ATP6V1E2: variants seen among roughly 807,000 people sequenced by gnomAD.
ATP6V1E2 encodes the protein ATPase H+ transporting V1 subunit E2.
For synonymous variants in ATP6V1E2, 121 were observed against 104.2 expected (o/e 1.16, Z -0.98); for missense variants, 308 against 273.3 (o/e 1.13, Z -0.90).
At chr2:46,521,906 G>A (rs941894179) in intron 4 of ATP6V1E2, among the ~76,000 whole-genome samples, 4 of 151,002 alleles carry the variant, frequency 2.6e-5, no homozygotes, top group African/African-American at 9.7e-5. Flanking sequence ...TAGCCAGGAT[G>A]GTCTCGATCT....
At chr2:46,521,368 C>G (rs551630906) in intron 4 of ATP6V1E2, among the ~76,000 whole-genome samples, 23 of 152,182 alleles carry the variant, frequency 1.5e-4, no homozygotes, top group Non-Finnish European at 1.9e-4. Flanking sequence ...ATATGTCTGT[C>G]AACCTGGAGC....
At chr2:46,534,611 T>C (rs1256969573) in intron 4 of ATP6V1E2, 1 of 152,242 alleles carries the variant, frequency 6.6e-6, no homozygotes, top group Admixed American at 6.5e-5. Flanking sequence ...TTGTTAAATG[T>C]CTGTATTTTG....
chr2:46,524,940 G>A (rs542733120), intron 4 of ATP6V1E2, among the ~76,000 whole-genome samples: 2 of 152,292 alleles, frequency 1.3e-5, no homozygotes, highest in African/African-American at 4.8e-5. Flanking sequence ...TCTTAGCAGG[G>A]CTGTACCTTC....
At chr2:46,519,371 A>G (rs889653440) in intron 4 of ATP6V1E2, 1 of 152,200 alleles carries the variant, frequency 6.6e-6, no homozygotes, top group African/African-American at 2.4e-5. Context: ...CGTGAAGCCA[A>G]ATCTGAAGGT....
chr2:46,520,153 T>G (rs1337401960), intron 4 of ATP6V1E2, among the ~76,000 whole-genome samples: 1 of 152,194 alleles, frequency 6.6e-6, no homozygotes, highest in Non-Finnish European at 1.5e-5. Flanking sequence ...CACTTCTAAA[T>G]AGCTCATTAG....
Position 46,512,010 on chromosome 2 carries a change from C to G in ATP6V1E2, c.*21G>C. 6.5e-7 allele frequency: 1 copy of G among 1,545,036 alleles called. No individual in the cohort carries two copies. Among genetic ancestry groups the G allele is most frequent in the Non-Finnish European group, 8.7e-7 (1 of 1,149,988 alleles). ...ACTTTTATGGTTTAGTGGTTCAACA[C>G]TAGCTTCACTTCCCAGAGGCTTATA... On this transcript the variant is annotated 3_prime_UTR_variant, in exon 5 of 5. Coordinates refer to ENST00000522587, the MANE Select transcript of ATP6V1E2 (RefSeq NM_001318063.2).
intron 4 of ATP6V1E2, among the ~76,000 whole-genome samples, chr2:46,522,790 G>A (rs1017076075): frequency 2.6e-5 from 4 of 152,118 alleles, no homozygotes; most frequent in South Asian, 2.1e-4. Context: ...GCTATTTCTG[G>A]TTCTAGATCC....
At chr2:46,529,799 T>G (rs1667099301) in intron 4 of ATP6V1E2, among the ~76,000 whole-genome samples, 1 of 152,068 alleles carries the variant, frequency 6.6e-6, no homozygotes, top group Admixed American at 6.5e-5. Flanking sequence ...AACAATTTAT[T>G]GAACCCATGG....
At chr2:46,537,131 C>T (rs1040964073) in intron 2 of ATP6V1E2, among the ~76,000 whole-genome samples, 2 of 152,138 alleles carry the variant, frequency 1.3e-5, no homozygotes, top group Non-Finnish European at 2.9e-5. Flanking sequence ...GGCCTAGGAA[C>T]GTTGACCCTT....
At chr2:46,527,490 G>C (rs1207154870) in intron 4 of ATP6V1E2, among the ~76,000 whole-genome samples, 1 of 152,112 alleles carries the variant, frequency 6.6e-6, no homozygotes, top group Non-Finnish European at 1.5e-5. Context: ...CAAAGTGCTG[G>C]GATTACAGGC....
At chr2:46,519,176 C>G (rs201183345) in intron 4 of ATP6V1E2, 1 of 152,212 alleles carries the variant, frequency 6.6e-6, no homozygotes, top group East Asian at 1.9e-4. Context: ...GGGGCCATGA[C>G]GGGGGTTATC....
chr2:46,513,641 T>C (rs1316017671), intron 4 of ATP6V1E2, among the ~76,000 whole-genome samples: 3 of 151,836 alleles, frequency 2.0e-5, no homozygotes, highest in African/African-American at 4.8e-5. Flanking sequence ...CTGGCCAACA[T>C]GGTGAAACCC....
At chr2:46,521,688 CT>C (rs1210168288) in intron 4 of ATP6V1E2, among the ~76,000 whole-genome samples, 4 of 152,014 alleles carry the variant, frequency 2.6e-5, no homozygotes, top group Admixed American at 1.3e-4. Flanking sequence ...GTCTTTCTTT[CT>C]TCTCTTTTTC....
At chr2:46,524,494 A>G (rs559081449) in intron 4 of ATP6V1E2, among the ~76,000 whole-genome samples, 1 of 152,350 alleles carries the variant, frequency 6.6e-6, no homozygotes, top group East Asian at 1.9e-4. Flanking sequence ...ATCTTTATGG[A>G]GACCCAACTT....
chr2:46,538,068 C>T (rs886556204), intron 2 of ATP6V1E2, among the ~76,000 whole-genome samples: 1 of 152,172 alleles, frequency 6.6e-6, no homozygotes, highest in Non-Finnish European at 1.5e-5. Context: ...ATCCCCACAT[C>T]CCCACACTGC....
At chr2:46,525,083 A>G (rs1328788719) in intron 4 of ATP6V1E2, among the ~76,000 whole-genome samples, 1 of 152,192 alleles carries the variant, frequency 6.6e-6, no homozygotes, top group Non-Finnish European at 1.5e-5. Flanking sequence ...ATTGGAAGGA[A>G]GAGATGTGGC....
Position 46,511,991 on chromosome 2 carries a change from A to G in ATP6V1E2, c.*40T>C. The stretch of plus-strand genomic sequence containing the variant: ...CTTTCCCCAAAAAACTTAAACTTTT[A>G]TGGTTTAGTGGTTCAACACTAGCTT... On this transcript the variant is annotated 3_prime_UTR_variant, in exon 5 of 5. Coordinates refer to ENST00000522587, the MANE Select transcript of ATP6V1E2 (RefSeq NM_001318063.2). The G allele has an allele frequency of 6.6e-7, 1 of 1,511,346 alleles. No homozygotes were observed. The highest frequency in any genetic ancestry group is 8.8e-7 in the Non-Finnish European group (1 of 1,130,834). 93.6% of individuals were successfully genotyped at this position (1,511,346 alleles called of 1,614,324 possible). A position where few individuals can be genotyped will look rare whatever the true frequency, so the allele number is the denominator to read the frequency against.
At chr2:46,526,489 T>G (rs1162707445) in intron 4 of ATP6V1E2, among the ~76,000 whole-genome samples, 1 of 152,174 alleles carries the variant, frequency 6.6e-6, no homozygotes, top group African/African-American at 2.4e-5. Flanking sequence ...TCTCCAGAAC[T>G]TTTTCGTCTT....
intron 4 of ATP6V1E2, among the ~76,000 whole-genome samples, chr2:46,534,042 G>C (rs4952831): frequency 6.6e-6 from 1 of 151,776 alleles, no homozygotes; most frequent in Non-Finnish European, 1.5e-5. Context: ...AAAGTGCCTC[G>C]CTTGATATGG....
Sources: allele counts gnomAD v4.1 joint callset (sites outside exome capture counted in the v4.1 genomes callset), GRCh38; gene constraint gnomAD v4.1.1; transcripts MANE v1.5; gene names NCBI Gene and HGNC (gene_info 2026-07-23, HGNC 2026-07-21).